DMXL1: variants seen among roughly 807,000 people sequenced by gnomAD.
DMXL1 encodes Dmx like 1.
A neutral mutation model predicts 319.2 loss-of-function variants in DMXL1; 99 were observed. That is an observed-to-expected ratio of 0.31 (90% confidence interval 0.26 to 0.37). The LOEUF is 0.37. Among genes scored for constraint, DMXL1 ranks in the 10% least tolerant of loss-of-function variants. The pLI is 1.00. For missense variants in DMXL1, 3,745 were observed against 3,595.6 expected (o/e 1.04, Z -1.06); for synonymous variants, 1,385 against 1,235.2 (o/e 1.12, Z -2.54).
intron 25 of DMXL1, 106 bp from the exon 26 acceptor site, chr5:119,175,155 C>G: frequency 2.8e-6 from 2 of 719,538 alleles, no homozygotes; most frequent in Non-Finnish European, 4.3e-6. Flanking sequence ...GGCAAAGAAT[C>G]AAAAATTTTT....
intron 6 of DMXL1, 36 bp downstream of exon 6, chr5:119,114,577 T>A (rs781488183): frequency 7.0e-7 from 1 of 1,420,456 alleles, no homozygotes; most frequent in Non-Finnish European, 9.8e-7. Flanking sequence ...AATTATGTGT[T>A]TATAGTTTAC....
chr5:119,100,196 C>T (rs552668435), intron 2 of DMXL1, among the ~76,000 whole-genome samples: 1 of 151,540 alleles, frequency 6.6e-6, no homozygotes, highest in Non-Finnish European at 1.5e-5. Flanking sequence ...TTTGGGAAGC[C>T]GAGGCAGGTG....
intron 35 of DMXL1, among the ~76,000 whole-genome samples, chr5:119,219,848 G>A (rs1001737084): frequency 3.3e-5 from 5 of 152,010 alleles, no homozygotes; most frequent in South Asian, 4.1e-4. Context: ...GATTATAGAC[G>A]TGAGCCACTG....
chr5:119,204,162 G>A (rs534717513), intron 33 of DMXL1, among the ~76,000 whole-genome samples: 1 of 152,060 alleles, frequency 6.6e-6, no homozygotes, highest in East Asian at 1.9e-4. Flanking sequence ...TTTTGAGATG[G>A]AGTCTCACTC....
At chr5:119,075,565 G>T (rs1443413174) in intron 1 of DMXL1, among the ~76,000 whole-genome samples, 1 of 152,048 alleles carries the variant, frequency 6.6e-6, no homozygotes, top group African/African-American at 2.4e-5. Context: ...AAAGTCAGTT[G>T]TTAGGCATTT....
chr5:119,196,597 A>C, intron 31 of DMXL1, 141 bp downstream of exon 31: 1 of 638,024 alleles, frequency 1.6e-6, no homozygotes, highest in Non-Finnish European at 2.7e-6. Flanking sequence ...CTTTTAACTA[A>C]ACCAACCATC....
intron 28 of DMXL1, among the ~76,000 whole-genome samples, chr5:119,185,480 A>G (rs543499597): frequency 2.0e-5 from 3 of 152,214 alleles, no homozygotes; most frequent in South Asian, 2.1e-4. Context: ...GCTGGATAGT[A>G]TCATCTTCCA....
chr5:119,084,209 C>T (rs1047164897), intron 1 of DMXL1, among the ~76,000 whole-genome samples: 4 of 152,120 alleles, frequency 2.6e-5, no homozygotes, highest in South Asian at 2.1e-4. Context: ...CAACCTCTGC[C>T]TCCTGGGTTG....
intron 28 of DMXL1, among the ~76,000 whole-genome samples, chr5:119,180,882 G>C (rs1776658822): frequency 6.6e-6 from 1 of 152,116 alleles, no homozygotes; most frequent in Non-Finnish European, 1.5e-5. Context: ...CTTTGATCTT[G>C]TTGATGTAAA....
rs1248270334 is a variant in DMXL1 at position 119,156,865 on chromosome 5, A to T, written c.4702+4829A>T. ...TTTTTTTCTCTTTCTGATAATAGAC[A>T]TTCTAGCAGGTGTGAGTTGTTATCT... On this transcript the variant is annotated intron_variant, in intron 19 of 43. Transcript: ENST00000539542. 2.6e-5 allele frequency among the ~76,000 whole-genome samples: 4 copies of T among 152,210 alleles called. No individual in the cohort carries two copies. The East Asian group carries it at 5.8e-4, about 22-fold the overall frequency.
chr5:119,111,641 C>G (rs1459384659), intron 5 of DMXL1, among the ~76,000 whole-genome samples: 1 of 152,124 alleles, frequency 6.6e-6, no homozygotes, highest in African/African-American at 2.4e-5. Flanking sequence ...ATCAATAAAA[C>G]ATTTCTATAA....
chr5:119,164,447 C>A, intron 19 of DMXL1, 60 bp from the exon 20 acceptor site: 2 of 1,419,436 alleles, frequency 1.4e-6, no homozygotes, highest in South Asian at 1.3e-5. Flanking sequence ...ACATACATTT[C>A]TGATAATCAT....
At chr5:119,116,433 C>A in intron 7 of DMXL1, 97 bp downstream of exon 7, 1 of 1,288,132 alleles carries the variant, frequency 7.8e-7, no homozygotes, top group Non-Finnish European at 1.1e-6. Flanking sequence ...AGTTACAGGA[C>A]TTCTGAGCCT....
chr5:119,144,644 G>A lies in DMXL1; in HGVS notation c.2569+6G>A. The A allele has an allele frequency of 6.5e-7, 1 of 1,542,916 alleles. No homozygotes were observed. Among genetic ancestry groups the A allele is most frequent in the Non-Finnish European group, 8.8e-7 (1 of 1,133,504 alleles). Reference sequence around the variant, plus strand: ...CAGCATTTTATCTAATGCAGGTAAGGAAGAATTATTTATGGAATGAGAAAT... The same window carrying A: ...CAGCATTTTATCTAATGCAGGTAAGAAAGAATTATTTATGGAATGAGAAAT... On this transcript the variant is annotated splice_donor_region_variant and intron_variant, in intron 15 of 43. Transcript: ENST00000539542.
chr5:119,144,290 A>G (rs941772933), intron 14 of DMXL1, among the ~76,000 whole-genome samples: 1 of 151,858 alleles, frequency 6.6e-6, no homozygotes, highest in African/African-American at 2.4e-5. Context: ...TGGCTAAATA[A>G]AAAACATTGG....
At position 119,146,208 on chromosome 5, in the gene DMXL1, A is replaced by C. The variant is rs1177651120; in HGVS notation, c.2570-629A>C. 2.0e-5 allele frequency among the ~76,000 whole-genome samples: 3 copies of C among 151,924 alleles called. No individual in the cohort carries two copies. The East Asian group carries it at 5.8e-4, about 29-fold the overall frequency. On this transcript the variant is annotated intron_variant, in intron 15 of 43. Transcript: ENST00000539542. ...TTTATAATGTAATTTTCGTTTACCT[A>C]ATTGTGCACATAGTGAATAATAGAT...
chr5:119,074,564 A>G (rs560184489), intron 1 of DMXL1, among the ~76,000 whole-genome samples: 1 of 152,308 alleles, frequency 6.6e-6, no homozygotes, highest in South Asian at 2.1e-4. Flanking sequence ...CACTTCTCCT[A>G]TTTTCTAGAT....
At chr5:119,075,484 C>A (rs1371783734) in intron 1 of DMXL1, among the ~76,000 whole-genome samples, 1 of 151,990 alleles carries the variant, frequency 6.6e-6, no homozygotes, top group Non-Finnish European at 1.5e-5. Flanking sequence ...AATGATCCGC[C>A]CACCTCGGCC....
At chr5:119,102,182 T>C in intron 3 of DMXL1, 176 bp downstream of exon 3, 1 of 426,886 alleles carries the variant, frequency 2.3e-6, no homozygotes, top group Non-Finnish European at 4.2e-6. Flanking sequence ...GGAATAGAAC[T>C]AAAATAAATT....
Sources: gnomAD v4.1 joint callset for allele counts (sites outside exome capture counted in the v4.1 genomes callset) on GRCh38, gnomAD v4.1.1 for gene constraint, MANE v1.5 for transcripts, NCBI Gene and HGNC (gene_info 2026-07-23, HGNC 2026-07-21) for gene names.